The following ZNF469 variants were observed in gnomAD, a reference collection of about 807,000 sequenced individuals.
The protein encoded by ZNF469 is zinc finger protein 469.
A neutral mutation model predicts 1.0 loss-of-function variants in ZNF469; 1 was observed. The observed-to-expected ratio is 1.00, with a 90% CI of 0.35 to 4.73. ZNF469 has a LOEUF of 4.73. Among genes scored for constraint, ZNF469 ranks in the 30% most tolerant of loss-of-function variants. ZNF469 has a pLI of 0.16. For synonymous variants in ZNF469, 2,703 were observed against 2,363.4 expected (o/e 1.14, Z -4.17); for missense variants, 6,100 against 5,356.3 (o/e 1.14, Z -4.33).
In ZNF469 at chr16:88,439,081, A is replaced by G. The variant is rs1464522317; in HGVS notation, c.11611A>G (p.Arg3871Gly). Residue 3871 changes from arginine to glycine, a missense_variant, in exon 3 of 3, where the codon AGG becomes GGG. Physicochemically the swap from Arg to Gly is moderately radical, Grantham distance 125. Transcript: ENST00000565624. ...KPKPNSQNKP[R>G]PPPSEQRKAE... ...CAAGCCCAACAGCCAGAACAAACCC[A>G]GGCCGCCACCATCAGAGCAGCGGAA... 2 of 1,550,636 alleles carry G rather than the reference A, an allele frequency of 1.3e-6. No homozygotes were observed. Among genetic ancestry groups the G allele is most frequent in the East Asian group, 2.4e-5 (1 of 40,928 alleles).
At chr16:88,296,759 A>G in the ZNF469 span, among the ~76,000 whole-genome samples, 1 of 152,166 alleles carries the variant, frequency 6.6e-6, no homozygotes, top group Non-Finnish European at 1.5e-5. Flanking sequence ...ACAGGTGCAC[A>G]TACATGCACA....
the ZNF469 span, among the ~76,000 whole-genome samples, chr16:88,259,697 A>C: frequency 6.6e-6 from 1 of 151,430 alleles, no homozygotes; most frequent in African/African-American, 2.4e-5. The surrounding 1 kb of genome is among the most constrained non-coding windows in gnomAD (Gnocchi z 4.1). Context: ...TCTCACCCCC[A>C]CCTGCACTCA....
At position 88,438,735 on chromosome 16, in the gene ZNF469, G is replaced by A; in HGVS notation, c.11265G>A (p.Gly3755=). Reference sequence around the variant, plus strand: ...GCAGCCAGCCCCAGCCAGCCAGCGGGCAGCTCCAGAGCGAGACAGCCACCA... The same window carrying A: ...GCAGCCAGCCCCAGCCAGCCAGCGGACAGCTCCAGAGCGAGACAGCCACCA... ...GGGSQPQPAS[G]QLQSETATTP... The change falls in exon 3 of 3, where the codon GGG becomes GGA. Residue 3755 remains glycine (G), a synonymous_variant. Coordinates refer to ENST00000565624, the MANE Select transcript of ZNF469 (RefSeq NM_001367624.2). The A allele has an allele frequency of 6.5e-7, 1 of 1,550,020 alleles. No homozygotes were observed. The highest frequency in any genetic ancestry group is 8.7e-7 in the Non-Finnish European group (1 of 1,146,854).
the ZNF469 span, among the ~76,000 whole-genome samples, chr16:88,253,208 A>G: frequency 6.6e-6 from 1 of 152,148 alleles, no homozygotes; most frequent in Non-Finnish European, 1.5e-5. Context: ...GCCACGTTTC[A>G]TTTCTCTTAT....
chr16:88,233,052 G>A, the ZNF469 span, among the ~76,000 whole-genome samples: 203 of 152,296 alleles, frequency 1.3e-3, no homozygotes, highest in African/African-American at 4.8e-3. Context: ...AGCCTCCCAC[G>A]GCCCGGGGGA....
the ZNF469 span, among the ~76,000 whole-genome samples, chr16:88,127,348 G>T: frequency 6.6e-6 from 1 of 152,186 alleles, no homozygotes; most frequent in Non-Finnish European, 1.5e-5. Context: ...ATTCAGCAAC[G>T]AATCCCTGGC....
Position 88,428,674 on chromosome 16 carries a change from C to A in ZNF469, c.1204C>A (p.Pro402Thr). ...CACGAGAGGGCCCCCTAGCTCCCTA[C>A]CCCAGAGGCACTTTCCAGGGCAGGC... ...GSTRGPPSSL[P>T]QRHFPGQAYR... Residue 402 changes from proline (P) to threonine (T), a missense_variant, in exon 3 of 3, where the codon CCC (proline) becomes ACC (threonine). Transcript: ENST00000565624. 1 of 1,549,960 alleles carries A rather than the reference C, an allele frequency of 6.5e-7. No homozygotes were observed. Among genetic ancestry groups the A allele is most frequent in the South Asian group, 1.2e-5 (1 of 84,066 alleles).
the ZNF469 span, among the ~76,000 whole-genome samples, chr16:88,199,946 C>T: frequency 6.6e-6 from 1 of 152,238 alleles, no homozygotes; most frequent in Non-Finnish European, 1.5e-5. Flanking sequence ...CTCTACCAGG[C>T]AGGGCCGAGG....
chr16:88,174,440 C>T, the ZNF469 span, among the ~76,000 whole-genome samples: 4 of 150,754 alleles, frequency 2.7e-5, no homozygotes, highest in Non-Finnish European at 5.9e-5. Flanking sequence ...CAGAGTGTAA[C>T]CAGAGGAGCA....
chr16:88,377,695 C>T, the ZNF469 span, among the ~76,000 whole-genome samples: 4 of 152,194 alleles, frequency 2.6e-5, no homozygotes, highest in East Asian at 7.7e-4. Context: ...CTCCAGCCCT[C>T]CCTCCTCTCT....
chr16:88,433,771 G>A lies in ZNF469; in HGVS notation c.6301G>A (p.Asp2101Asn), dbSNP rs1906368224. 1 of 1,549,444 alleles carries A rather than the reference G, an allele frequency of 6.5e-7. No individual in the cohort carries two copies. Among genetic ancestry groups the A allele is most frequent in the Non-Finnish European group, 8.7e-7 (1 of 1,146,874 alleles). The change falls in exon 3 of 3, where the codon GAT becomes AAT. Residue 2101 changes from aspartate (D) to asparagine (N), a missense_variant. Coordinates refer to ENST00000565624, the MANE Select transcript of ZNF469 (RefSeq NM_001367624.2). ...GAACAAGCCACTGCTGGCCACAGGG[G>A]ATAGCCCAGCACCCTCTGTCGGGGA... ...GLNKPLLATG[D>N]SPAPSVGDLA...
At chr16:88,200,891 G>A in the ZNF469 span, among the ~76,000 whole-genome samples, 1 of 152,224 alleles carries the variant, frequency 6.6e-6, no homozygotes, top group Non-Finnish European at 1.5e-5. Context: ...GGCCGCCCCC[G>A]GCTGCTCCCG....
chr16:88,310,822 A>G, the ZNF469 span, among the ~76,000 whole-genome samples: 3 of 152,054 alleles, frequency 2.0e-5, no homozygotes, highest in Non-Finnish European at 2.9e-5. Context: ...TAGGCTTTTT[A>G]AAAGAGCAGT....
the ZNF469 span, among the ~76,000 whole-genome samples, chr16:88,297,629 C>G: frequency 6.6e-6 from 1 of 152,138 alleles, no homozygotes; most frequent in Non-Finnish European, 1.5e-5. Flanking sequence ...ACTCCAGTCT[C>G]CAGGGCCGGC....
At chr16:88,210,677 A>C in the ZNF469 span, among the ~76,000 whole-genome samples, 1 of 152,248 alleles carries the variant, frequency 6.6e-6, no homozygotes, top group Admixed American at 6.5e-5. Flanking sequence ...GTTTGTTAAA[A>C]AGATCATCTT....
At chr16:88,142,238 G>T in the ZNF469 span, among the ~76,000 whole-genome samples, 4 of 152,214 alleles carry the variant, frequency 2.6e-5, no homozygotes, top group Non-Finnish European at 4.4e-5. Flanking sequence ...CTGGGCGGGG[G>T]GTCTGGGAAA....
chr16:88,327,706 A>G, the ZNF469 span, among the ~76,000 whole-genome samples: 1 of 152,056 alleles, frequency 6.6e-6, no homozygotes, highest in Non-Finnish European at 1.5e-5. Flanking sequence ...CCTTCCGTGC[A>G]CACTCACTGA....
the ZNF469 span, among the ~76,000 whole-genome samples, chr16:88,221,356 C>T: frequency 1.3e-5 from 2 of 152,202 alleles, no homozygotes; most frequent in African/African-American, 4.8e-5. Context: ...GTAAAACTCT[C>T]TCTGTGGGCC....
chr16:88,381,319 C>G (rs892991436), upstream of ZNF469, among the ~76,000 whole-genome samples: 5 of 150,792 alleles, frequency 3.3e-5, no homozygotes, highest in African/African-American at 1.2e-4. Context: ...TGCACTCACA[C>G]ACAGAGACAT....
Sources: allele counts gnomAD v4.1 joint callset (sites outside exome capture counted in the v4.1 genomes callset), GRCh38; gene constraint gnomAD v4.1.1; non-coding constraint Gnocchi (gnomAD v3.1); transcripts MANE v1.5; gene names NCBI Gene and HGNC (gene_info 2026-07-23, HGNC 2026-07-21).